Variants in PADI3 observed in about 807,000 individuals in gnomAD.
PADI3 encodes the protein protein-arginine deiminase type-3.
Under a neutral mutation model 71.5 loss-of-function variants are expected in PADI3, and 53 were observed. That is an observed-to-expected ratio of 0.74 (90% CI 0.59 to 0.93). PADI3 has a LOEUF of 0.93. Ranked by LOEUF, PADI3 falls within the 40% of genes least tolerant of loss-of-function variation. PADI3 has a pLI of 0.00. For synonymous variants in PADI3, 361 were observed against 347.5 expected (o/e 1.04, Z -0.43); for missense variants, 821 against 868.0 (o/e 0.95, Z 0.68).
chr1:17,265,827 G>T, intron 4 of PADI3, 107 bp downstream of exon 4: 1 of 997,618 alleles, frequency 1.0e-6, no homozygotes, highest in Non-Finnish European at 1.6e-6. Flanking sequence ...CCTCCCAGCT[G>T]ATGCCGAGAC....
intron 11 of PADI3, among the ~76,000 whole-genome samples, chr1:17,276,116 C>A (rs1452437553): frequency 6.6e-6 from 1 of 152,040 alleles, no homozygotes. Context: ...GGGCAGATCA[C>A]TTGAGGTCAG....
chr1:17,265,046 T>C (rs1345775803), intron 3 of PADI3, among the ~76,000 whole-genome samples: 1 of 152,054 alleles, frequency 6.6e-6, no homozygotes, highest in Non-Finnish European at 1.5e-5. Context: ...GTATTCTTTC[T>C]TCTCTCCCTC....
intron 11 of PADI3, among the ~76,000 whole-genome samples, chr1:17,275,542 T>TA (rs2073318634): frequency 6.6e-6 from 1 of 151,124 alleles, no homozygotes; most frequent in Non-Finnish European, 1.5e-5. Context: ...ACCATGTAAA[T>TA]GACTAATATA....
intron 1 of PADI3, among the ~76,000 whole-genome samples, chr1:17,252,893 C>T (rs923111592): frequency 2.4e-4 from 37 of 152,136 alleles, no homozygotes; most frequent in Non-Finnish European, 2.8e-4. Flanking sequence ...GCTGAGGGGC[C>T]CGCGAAGCTG....
At chr1:17,275,050 G>A (rs1185308731) in intron 11 of PADI3, among the ~76,000 whole-genome samples, 6 of 152,084 alleles carry the variant, frequency 3.9e-5, no homozygotes, top group Non-Finnish European at 7.4e-5. Context: ...CCCAGAGAGG[G>A]TAAGTGAGTC....
chr1:17,265,380 G>GCATTTTTTAGAA lies in PADI3; in HGVS notation c.347-279_347-278insCATTTTTTAGAA, dbSNP rs1297748025. Among the ~76,000 whole-genome samples the GCATTTTTTAGAA allele has an allele frequency of 4.5e-3, 684 of 152,200 alleles. 6 individuals carry two copies. Among genetic ancestry groups the GCATTTTTTAGAA allele is most frequent in the African/African-American group, 0.016 (655 of 41,504 alleles). On this transcript the variant is annotated intron_variant, in intron 3 of 15. Transcript: ENST00000375460. ...TCCTGGAGACCTGGGCTCAGTTCAG[G>GCATTTTTTAGAA]GCATGCCTGGGACTGCAAGGGCTGC...
In PADI3 at chr1:17,283,127, A is replaced by C; in HGVS notation, c.*48A>C. The C allele has an allele frequency of 6.9e-7, 1 of 1,458,642 alleles. No individual in the cohort carries two copies. The highest frequency in any genetic ancestry group is 1.2e-5 in the South Asian group (1 of 85,458). 90.4% of individuals were successfully genotyped at this position (1,458,642 alleles called of 1,614,324 possible). ...GTCCCCCTGGGGCGGGCATTGGCCC[A>C]GGTGGTGGAGACAGAGACAGGCCCC... On this transcript the variant is annotated 3_prime_UTR_variant, in exon 16 of 16. Coordinates refer to ENST00000375460, the MANE Select transcript of PADI3 (RefSeq NM_016233.2).
Position 17,262,172 on chromosome 1 carries a change from CT to C in PADI3, c.314del (p.Leu105ArgfsTer19). ...CCACTCCAGCCATGAGCCTCTGCCC[CT>C]GGCCTATGCGGTGCTCTACCTCACC... ...SYHSSHEPLP[L>X]AYAVLYLTCV... On this transcript the variant is annotated frameshift_variant, in exon 3 of 16. Transcript: ENST00000375460. LOFTEE classifies it high-confidence loss of function. 1 of 1,613,388 alleles carries C rather than the reference CT, an allele frequency of 6.2e-7. No individual in the cohort carries two copies. Among genetic ancestry groups the C allele is most frequent in the East Asian group, 2.2e-5 (1 of 44,784 alleles).
intron 9 of PADI3, among the ~76,000 whole-genome samples, chr1:17,273,044 C>T (rs12079310): frequency 0.014 from 2,069 of 152,270 alleles, 60 homozygotes; most frequent in African/African-American, 0.047. Flanking sequence ...TCTCTGTGTC[C>T]ACCTGCCTTG....
At chr1:17,282,195 G>A (rs891001456) in intron 15 of PADI3, among the ~76,000 whole-genome samples, 4 of 152,192 alleles carry the variant, frequency 2.6e-5, no homozygotes, top group African/African-American at 9.7e-5. Flanking sequence ...GCAAGAGACA[G>A]AGTCCTACTG....
intron 11 of PADI3, among the ~76,000 whole-genome samples, chr1:17,275,535 A>T (rs1025354735): frequency 6.6e-6 from 1 of 152,112 alleles, no homozygotes; most frequent in African/African-American, 2.4e-5. Flanking sequence ...TCATACTACC[A>T]TGTAAATGAC....
At position 17,276,526 on chromosome 1, in the gene PADI3, G is replaced by A; in HGVS notation, c.1315G>A (p.Gly439Ser). 1 of 1,613,936 alleles carries A rather than the reference G, an allele frequency of 6.2e-7. No homozygotes were observed. The highest frequency in any genetic ancestry group is 8.5e-7 in the Non-Finnish European group (1 of 1,179,984). ...TAACCTCGTGGGTCCCAGGTCAAGTGGCCGCAGGGTCACCCAGGTGGTGCG... is the reference window on the plus strand; with the variant it reads ...TAACCTCGTGGGTCCCAGGTCAAGTAGCCGCAGGGTCACCCAGGTGGTGCG... ...LIGGNLPGSS[G>S]RRVTQVVRDF... Residue 439 changes from glycine to serine, a missense_variant, in exon 12 of 16, where the codon GGC becomes AGC. By Grantham distance (56) the Gly-to-Ser change is moderately conservative. Transcript: ENST00000375460.
intron 1 of PADI3, among the ~76,000 whole-genome samples, chr1:17,256,507 G>T (rs746461587): frequency 6.6e-6 from 1 of 152,148 alleles, no homozygotes; most frequent in South Asian, 2.1e-4. Context: ...TGGTCCTGGG[G>T]ACCCTCCTGG....
intron 6 of PADI3, 97 bp downstream of exon 6, chr1:17,268,059 G>A (rs1307045922): frequency 3.5e-6 from 5 of 1,441,622 alleles, no homozygotes; most frequent in Non-Finnish European, 4.8e-6. Context: ...GGCAGGTCCT[G>A]CTTACACTCC....
In PADI3 at chr1:17,270,408, C is replaced by A. The variant is rs756374769; in HGVS notation, c.828C>A (p.Asn276Lys). 14 of 1,611,438 alleles carry A rather than the reference C, an allele frequency of 8.7e-6. No individual in the cohort carries two copies. Among genetic ancestry groups the A allele is most frequent in the Non-Finnish European group, 1.2e-5 (14 of 1,179,108 alleles). The change falls in exon 7 of 16, where the codon AAC (asparagine) becomes AAA (lysine). Residue 276 changes from asparagine to lysine, a missense_variant. Physicochemically the swap from Asn to Lys is moderately conservative, Grantham distance 94 (BLOSUM62 0). Coordinates refer to ENST00000375460, the MANE Select transcript of PADI3 (RefSeq NM_016233.2). ...ATGTCACTCTGCTGGACGACTCCAA[C>A]GAGGTAGGGACAGAGGGGGTTCAAG... ...SFHVTLLDDS[N>K]EDFSASPIFT...
chr1:17,250,911 G>A (rs2072958590), intron 1 of PADI3, among the ~76,000 whole-genome samples: 1 of 152,190 alleles, frequency 6.6e-6, no homozygotes, highest in African/African-American at 2.4e-5. Context: ...AAAGGCCATA[G>A]CTTCCTGGAG....
At chr1:17,262,638 TAAGA>T (rs5772753) in intron 3 of PADI3, among the ~76,000 whole-genome samples, 2,546 of 152,132 alleles carry the variant, frequency 0.017, 56 homozygotes, top group African/African-American at 0.045. Context: ...AGAAAATCAA[TAAGA>T]AAGAGTCAAA....
chr1:17,282,777 C>G, intron 15 of PADI3, 69 bp from the exon 16 acceptor site: 4 of 1,174,798 alleles, frequency 3.4e-6, no homozygotes, highest in Non-Finnish European at 4.9e-6. Flanking sequence ...AAACCTAGGT[C>G]CTGCAGGTAG....
At chr1:17,272,192 A>G in intron 9 of PADI3, among the ~76,000 whole-genome samples, 1 of 152,224 alleles carries the variant, frequency 6.6e-6, no homozygotes, top group Non-Finnish European at 1.5e-5. Context: ...ACCAGGCTGT[A>G]CAGGTTGGTG....
Sources: allele counts gnomAD v4.1 joint callset (sites outside exome capture counted in the v4.1 genomes callset), GRCh38; gene constraint gnomAD v4.1.1; transcripts MANE v1.5; gene names NCBI Gene and HGNC (gene_info 2026-07-23, HGNC 2026-07-21).